Variants in NOTCH2NLB observed in about 807,000 individuals in gnomAD.
The protein encoded by NOTCH2NLB is notch homolog 2 N-terminal-like protein B.
NOTCH2NLB carries 1 observed loss-of-function variant against 14.8 expected under a neutral mutation model. The ratio of observed to expected loss-of-function variants is 0.07; its 90% CI spans 0.02 to 0.32. NOTCH2NLB has a LOEUF of 0.32. Ranked by LOEUF, NOTCH2NLB falls within the 10% of genes least tolerant of loss-of-function variation. The pLI, the probability that NOTCH2NLB is intolerant of heterozygous loss-of-function variation, is 1.00. For missense variants in NOTCH2NLB, 11 were observed against 155.0 expected, an observed-to-expected ratio of 0.07 and a Z score of 4.93; for synonymous variants, 6 against 57.5, an observed-to-expected ratio of 0.10 and a Z score of 4.05.
chr1:148,610,368 A>AGAAAGAAG (rs1663658236), intron 3 of NOTCH2NLB, among the ~76,000 whole-genome samples: 5 of 120,720 alleles, frequency 4.1e-5, no homozygotes, highest in Admixed American at 8.1e-5. Context: ...AAAGAAAGAA[A>AGAAAGAAG]GAAAGAGAAA....
chr1:148,673,727 G>A (rs1664797307), intron 1 of NOTCH2NLB, among the ~76,000 whole-genome samples: 2 of 151,276 alleles, frequency 1.3e-5, no homozygotes, highest in Non-Finnish European at 3.0e-5. Flanking sequence ...GCAAGTAGGA[G>A]GCATTTCCAA....
the NOTCH2NLB span, among the ~76,000 whole-genome samples, chr1:148,712,499 G>A: frequency 3.9e-5 from 6 of 152,302 alleles, no homozygotes; most frequent in African/African-American, 1.4e-4. Context: ...ATCTCTTTCA[G>A]AAATGAGAGA....
At chr1:148,616,802 GATGTACAACC>G (rs1247282754) in intron 2 of NOTCH2NLB, among the ~76,000 whole-genome samples, 3 of 54,934 alleles carry the variant, frequency 5.5e-5, no homozygotes, top group Admixed American at 1.9e-4. Flanking sequence ...TGATTCATAA[GATGTACAACC>G]ATTTCAAACT....
At chr1:148,658,579 T>TTTTTTTTTGTG (rs1664572755) in intron 1 of NOTCH2NLB, among the ~76,000 whole-genome samples, 1 of 76,252 alleles carries the variant, frequency 1.3e-5, no homozygotes, top group Non-Finnish European at 2.4e-5. Context: ...TTTTTTTTTT[T>TTTTTTTTTGTG]GGAGACAGGA....
intron 1 of NOTCH2NLB, among the ~76,000 whole-genome samples, chr1:148,648,591 GCTCACT>G (rs1664422546): frequency 8.0e-6 from 1 of 124,996 alleles, no homozygotes; most frequent in Non-Finnish European, 1.7e-5. Flanking sequence ...ATAAGTGCTG[GCTCACT>G]CATCTCTCTC....
chr1:148,625,531 G>C lies in NOTCH2NLB; in HGVS notation c.78-9581C>G, dbSNP rs1305361833. On this transcript the variant is annotated intron_variant, in intron 2 of 4. Transcript: ENST00000593495. Reference sequence around the variant, plus strand: ...GAAGGGGAAAAAAAAGTCTCATGTGGGTTGCGTCGGCACTGCAGCTGCTCC... The same window carrying C: ...GAAGGGGAAAAAAAAGTCTCATGTGCGTTGCGTCGGCACTGCAGCTGCTCC... Among the ~76,000 whole-genome samples the C allele has an allele frequency of 1.9e-5, 2 of 105,214 alleles. 1 individual carries two copies. The highest frequency in any genetic ancestry group is 7.4e-4 in the South Asian group (2 of 2,692). The allele number at this position is 105,214 out of a possible 152,430, so 69.0% of individuals were successfully genotyped here.
At chr1:148,636,947 T>C (rs1378998236) in intron 2 of NOTCH2NLB, among the ~76,000 whole-genome samples, 1 of 145,432 alleles carries the variant, frequency 6.9e-6, no homozygotes, top group African/African-American at 2.6e-5. Flanking sequence ...TCTCAAGGAG[T>C]TTGTTTCCCT....
chr1:148,681,005 G>A (rs1664932355), upstream of NOTCH2NLB, among the ~76,000 whole-genome samples: 1 of 152,012 alleles, frequency 6.6e-6, no homozygotes, highest in Admixed American at 6.5e-5. Flanking sequence ...TGTTAGCAGT[G>A]AGAGGAGTCA....
chr1:148,605,340 T>C (rs1355634800), downstream of NOTCH2NLB, among the ~76,000 whole-genome samples: 1 of 142,030 alleles, frequency 7.0e-6, no homozygotes, highest in East Asian at 2.0e-4. Flanking sequence ...CTAATAAGCA[T>C]GGAAGTACCT....
chr1:148,610,347 A>AAGAAAGAAAGAG (rs1663653014), intron 3 of NOTCH2NLB, among the ~76,000 whole-genome samples: 1 of 111,476 alleles, frequency 9.0e-6, no homozygotes, highest in Non-Finnish European at 1.8e-5. Context: ...GAAAGAAAGA[A>AAGAAAGAAAGAG]AGAAAGAAAG....
At chr1:148,670,543 T>TATATATAC (rs1288654451) in intron 1 of NOTCH2NLB, among the ~76,000 whole-genome samples, 22 of 86,004 alleles carry the variant, frequency 2.6e-4, no homozygotes, top group African/African-American at 8.7e-4. Flanking sequence ...AAAAAAAATA[T>TATATATAC]ATATATATAC....
intron 2 of NOTCH2NLB, among the ~76,000 whole-genome samples, chr1:148,637,988 A>G (rs1664251418): frequency 6.8e-6 from 1 of 147,664 alleles, no homozygotes; most frequent in African/African-American, 2.5e-5. Flanking sequence ...TATCCAGTCT[A>G]TCACCGTTGG....
chr1:148,703,388 T>G, the NOTCH2NLB span, among the ~76,000 whole-genome samples: 1 of 88,458 alleles, frequency 1.1e-5, no homozygotes, highest in African/African-American at 3.7e-5. Context: ...ATTCTGTCTG[T>G]GGGGTTGGAG....
At chr1:148,637,115 C>A (rs1664220073) in intron 2 of NOTCH2NLB, among the ~76,000 whole-genome samples, 2 of 135,880 alleles carry the variant, frequency 1.5e-5, no homozygotes, top group East Asian at 2.0e-4. Flanking sequence ...GTCGCTCAGG[C>A]TGGAGTGCAG....
At chr1:148,712,459 AT>A in the NOTCH2NLB span, among the ~76,000 whole-genome samples, 1 of 152,288 alleles carries the variant, frequency 6.6e-6, no homozygotes, top group Non-Finnish European at 1.5e-5. Context: ...TCCTGGGAAT[AT>A]GTGATGAAAC....
intron 2 of NOTCH2NLB, among the ~76,000 whole-genome samples, chr1:148,637,487 A>G (rs1664232170): frequency 6.9e-6 from 1 of 144,458 alleles, no homozygotes; most frequent in East Asian, 2.0e-4. Context: ...TTCTCCATAT[A>G]TAAGTCACCA....
At chr1:148,625,891 A>G (rs1663973297) in intron 2 of NOTCH2NLB, among the ~76,000 whole-genome samples, 1 of 71,878 alleles carries the variant, frequency 1.4e-5, no homozygotes, top group Non-Finnish European at 2.5e-5. Context: ...CCCCTGTTAA[A>G]GTAGATAAAA....
the NOTCH2NLB span, among the ~76,000 whole-genome samples, chr1:148,703,038 G>C: frequency 2.8e-5 from 1 of 35,334 alleles, no homozygotes; most frequent in Non-Finnish European, 6.4e-5. Flanking sequence ...GTGAACCCCA[G>C]GGGGTGGAGC....
chr1:148,633,381 G>A (rs1390424857), intron 2 of NOTCH2NLB, among the ~76,000 whole-genome samples: 1 of 99,240 alleles, frequency 1.0e-5, no homozygotes, highest in Non-Finnish European at 1.9e-5. Flanking sequence ...GTGAAACCCC[G>A]TCTCTACTAA....
Sources: gnomAD v4.1 joint callset for allele counts (sites outside exome capture counted in the v4.1 genomes callset) on GRCh38, gnomAD v4.1.1 for gene constraint, MANE v1.5 for transcripts, NCBI Gene and HGNC (gene_info 2026-07-23, HGNC 2026-07-21) for gene names.